The following CCDC171 variants were observed in gnomAD, a reference collection of about 807,000 sequenced individuals.
The protein encoded by CCDC171 is coiled-coil domain containing 171, also known as coiled-coil domain-containing protein 171.
In CCDC171, 177 loss-of-function variants were observed where a neutral mutation model predicts 168.2. The ratio of observed to expected loss-of-function variants is 1.05; its 90% confidence interval spans 0.93 to 1.19. CCDC171 has a LOEUF of 1.19. Ranked by LOEUF, CCDC171 falls within the 50% of genes most tolerant of loss-of-function variation. The pLI is 0.00. For synonymous variants in CCDC171, 687 were observed against 540.8 expected (o/e 1.27, Z -3.75); for missense variants, 1,991 against 1,539.0 (o/e 1.29, Z -4.91).
chr9:15,854,641 G>A (rs564561115), intron 23 of CCDC171, among the ~76,000 whole-genome samples: 2 of 151,416 alleles, frequency 1.3e-5, no homozygotes, highest in East Asian at 1.9e-4. Flanking sequence ...TTTAGTTTGC[G>A]CTCTCTGTCT....
At chr9:16,084,115 G>C in the CCDC171 span, among the ~76,000 whole-genome samples, 6,506 of 152,280 alleles carry the variant, frequency 0.043, 454 homozygotes, top group African/African-American at 0.15. Flanking sequence ...CAGAAGTTGA[G>C]CTATTAACGT....
chr9:15,554,776 A>T (rs916922157), intron 1 of CCDC171, among the ~76,000 whole-genome samples: 7 of 152,176 alleles, frequency 4.6e-5, no homozygotes, highest in African/African-American at 1.4e-4. Context: ...ACTTAGCCAG[A>T]TGTGGATTTG....
intron 10 of CCDC171, among the ~76,000 whole-genome samples, chr9:15,689,915 A>G (rs2050670463): frequency 1.3e-5 from 2 of 152,184 alleles, no homozygotes; most frequent in African/African-American, 4.8e-5. Context: ...TGTTTAGTTG[A>G]TTTTCAAAAA....
intron 6 of CCDC171, among the ~76,000 whole-genome samples, chr9:15,607,907 AAT>A (rs2043342496): frequency 6.6e-6 from 1 of 152,196 alleles, no homozygotes; most frequent in African/African-American, 2.4e-5. Flanking sequence ...TTTATAACAG[AAT>A]ATATGAAGCT....
chr9:15,580,511 T>G lies in CCDC171; in HGVS notation c.352+1488T>G, dbSNP rs10120805. 4.7e-3 allele frequency among the ~76,000 whole-genome samples: 712 copies of G among 152,166 alleles called. 6 individuals carry two copies. The highest frequency in any genetic ancestry group is 0.016 in the African/African-American group (685 of 41,530). On this transcript the variant is annotated intron_variant, in intron 4 of 25. Coordinates refer to ENST00000380701, the MANE Select transcript of CCDC171 (RefSeq NM_173550.4). ...TGACAAAGGAGTAATATCCAGAATC[T>G]ATGAGGAACTCAAATCAGCAAGAAA...
chr9:15,907,116 A>G (rs1250136363), intron 24 of CCDC171, among the ~76,000 whole-genome samples: 2 of 152,212 alleles, frequency 1.3e-5, no homozygotes, highest in African/African-American at 4.8e-5. Context: ...CATCCCCATC[A>G]AGCTACCAAT....
chr9:15,846,767 T>C lies in CCDC171; in HGVS notation c.3333T>C (p.His1111=). 6.2e-7 allele frequency: 1 copy of C among 1,612,804 alleles called. No homozygotes were observed. Among genetic ancestry groups the C allele is most frequent in the Non-Finnish European group, 8.5e-7 (1 of 1,179,400 alleles). ...AATCTCTGCGTCAGCTCAATAGACA[T>C]CTTACCCAGCTGGAGCAGGACAAGC... The part of the protein sequence containing the change: ...KDQSLRQLNR[H]LTQLEQDKRR... Residue 1111 remains histidine (H), a synonymous_variant, in exon 22 of 26, where the codon CAT becomes CAC. Coordinates refer to ENST00000380701, the MANE Select transcript of CCDC171 (RefSeq NM_173550.4).
At chr9:15,611,671 A>T (rs996271974) in intron 6 of CCDC171, among the ~76,000 whole-genome samples, 2 of 152,100 alleles carry the variant, frequency 1.3e-5, no homozygotes, top group African/African-American at 4.8e-5. Flanking sequence ...ACCTCTTTTG[A>T]TCAACCTCTA....
chr9:15,777,898 G>C, intron 19 of CCDC171, 72 bp downstream of exon 19: 4 of 1,004,352 alleles, frequency 4.0e-6, no homozygotes, highest in Non-Finnish European at 4.3e-6. Flanking sequence ...CTAATTTGTA[G>C]TTTAAATTAT....
At chr9:16,093,337 G>C in the CCDC171 span, among the ~76,000 whole-genome samples, 33 of 152,304 alleles carry the variant, frequency 2.2e-4, no homozygotes, top group East Asian at 6.4e-3. Context: ...ACCTTCAGGG[G>C]CTTCCCACAG....
chr9:16,080,019 T>G, the CCDC171 span, among the ~76,000 whole-genome samples: 1 of 152,180 alleles, frequency 6.6e-6, no homozygotes, highest in Non-Finnish European at 1.5e-5. Flanking sequence ...GTGGGGCACT[T>G]CTCATGGCAT....
At chr9:15,844,429 C>T (rs192546450) in intron 21 of CCDC171, among the ~76,000 whole-genome samples, 22 of 151,972 alleles carry the variant, frequency 1.4e-4, no homozygotes, top group East Asian at 1.2e-3. Flanking sequence ...AGGGAAAAGA[C>T]GTATTCTTGA....
At chr9:15,962,867 A>T (rs192360644) in intron 25 of CCDC171, among the ~76,000 whole-genome samples, 1 of 151,048 alleles carries the variant, frequency 6.6e-6, no homozygotes, top group Non-Finnish European at 1.5e-5. Flanking sequence ...ATGTGTGTTT[A>T]TGCTTATTTT....
At chr9:15,855,013 T>G (rs1578556) in intron 23 of CCDC171, among the ~76,000 whole-genome samples, 131,842 of 151,536 alleles carry the variant, frequency 0.87, 57,444 homozygotes, top group East Asian at 0.99. Flanking sequence ...GGTCTGTCTT[T>G]CTGAAAGTTA....
At position 15,816,493 on chromosome 9, in the gene CCDC171, A is replaced by G. The variant is rs2059566171; in HGVS notation, c.3268-30209A>G. ...GCATGCAGTGACATTATTTTTACTT[A>G]TATTTTCGAAGAATAATTCTAGCAT... On this transcript the variant is annotated intron_variant, in intron 21 of 25. Transcript: ENST00000380701. Among the ~76,000 whole-genome samples, 3 of 118,902 alleles carry G rather than the reference A, an allele frequency of 2.5e-5. 1 individual carries two copies. Among genetic ancestry groups the G allele is most frequent in the Admixed American group, 8.0e-5 (1 of 12,576 alleles). The allele number at this position is 118,902 out of a possible 152,430, so 78.0% of individuals were successfully genotyped here. A position where few individuals can be genotyped will look rare whatever the true frequency, so the allele number is the denominator to read the frequency against.
intron 10 of CCDC171, among the ~76,000 whole-genome samples, chr9:15,685,496 G>A (rs1003588595): frequency 2.0e-5 from 3 of 152,164 alleles, no homozygotes; most frequent in East Asian, 1.9e-4. Context: ...TGAGCTGTGC[G>A]TGGTGACGTG....
chr9:15,834,510 A>G (rs2060358662), intron 21 of CCDC171, among the ~76,000 whole-genome samples: 1 of 152,214 alleles, frequency 6.6e-6, no homozygotes, highest in Non-Finnish European at 1.5e-5. Flanking sequence ...TTCGGAAAAC[A>G]CCATTATTTA....
At chr9:15,717,469 TA>T (rs2053166106) in intron 11 of CCDC171, among the ~76,000 whole-genome samples, 1 of 152,126 alleles carries the variant, frequency 6.6e-6, no homozygotes. Flanking sequence ...CCAGTGGACT[TA>T]GAGGGTATGT....
chr9:15,862,944 A>G (rs2061621434), intron 23 of CCDC171, among the ~76,000 whole-genome samples: 1 of 152,018 alleles, frequency 6.6e-6, no homozygotes. Flanking sequence ...CTCCCAAGGT[A>G]GAGGCTGAGA....
Sources: gnomAD v4.1 joint callset for allele counts (sites outside exome capture counted in the v4.1 genomes callset) on GRCh38, gnomAD v4.1.1 for gene constraint, MANE v1.5 for transcripts, NCBI Gene and HGNC (gene_info 2026-07-23, HGNC 2026-07-21) for gene names.